Variants in TRABD2B observed in about 807,000 individuals in gnomAD.
The protein encoded by TRABD2B is metalloprotease TIKI2.
TRABD2B carries 14 observed loss-of-function variants against 40.1 expected under a neutral mutation model. The ratio of observed to expected loss-of-function variants is 0.35; its 90% CI spans 0.23 to 0.55. The LOEUF (loss-of-function observed/expected upper bound fraction) is 0.55, where lower values mean the gene tolerates loss of function less well. Among genes scored for constraint, TRABD2B ranks in the 20% least tolerant of loss-of-function variants. The pLI, the probability that TRABD2B is intolerant of heterozygous loss-of-function variation, is 0.90. For missense variants in TRABD2B, 541 were observed against 648.6 expected, an observed-to-expected ratio of 0.83 and a Z score of 1.80; for synonymous variants, 263 against 277.0, an observed-to-expected ratio of 0.95 and a Z score of 0.50.
At chr1:47,920,060 C>A (rs1054062752) in intron 2 of TRABD2B, among the ~76,000 whole-genome samples, 1 of 152,202 alleles carries the variant, frequency 6.6e-6, no homozygotes, top group Non-Finnish European at 1.5e-5. Flanking sequence ...TGGTCTGCTA[C>A]TTTCTAGTTG....
intron 2 of TRABD2B, among the ~76,000 whole-genome samples, chr1:47,922,460 T>C (rs1272313844): frequency 6.6e-6 from 1 of 152,102 alleles, no homozygotes; most frequent in African/African-American, 2.4e-5. Context: ...CTTGGCTTCA[T>C]CAGCCCACAC....
At chr1:47,839,205 G>C (rs889461985) in intron 2 of TRABD2B, among the ~76,000 whole-genome samples, 1 of 152,206 alleles carries the variant, frequency 6.6e-6, no homozygotes, top group Non-Finnish European at 1.5e-5. Context: ...CCCCACCACA[G>C]AGTCTATTCT....
At chr1:47,850,319 G>C (rs1223958713) in intron 2 of TRABD2B, among the ~76,000 whole-genome samples, 1 of 152,320 alleles carries the variant, frequency 6.6e-6, no homozygotes, top group Non-Finnish European at 1.5e-5. Flanking sequence ...TGATGGAGTA[G>C]GCTGTCCCAG....
chr1:47,959,964 A>G (rs555028525), intron 2 of TRABD2B, among the ~76,000 whole-genome samples: 32 of 152,350 alleles, frequency 2.1e-4, no homozygotes, highest in African/African-American at 6.0e-4. Context: ...AAAATCCTCA[A>G]TAAAATACTG....
chr1:47,885,949 A>C (rs1055092074), intron 2 of TRABD2B, among the ~76,000 whole-genome samples: 4 of 152,218 alleles, frequency 2.6e-5, no homozygotes, highest in African/African-American at 9.6e-5. Flanking sequence ...GTTGGTTTTG[A>C]AAATAATATT....
At chr1:47,946,968 A>G (rs1344034669) in intron 2 of TRABD2B, among the ~76,000 whole-genome samples, 2 of 152,058 alleles carry the variant, frequency 1.3e-5, no homozygotes, top group African/African-American at 4.8e-5. Context: ...GTAAAGAGAA[A>G]TAATAATAAT....
chr1:47,830,147 G>A (rs931000030), intron 2 of TRABD2B, among the ~76,000 whole-genome samples: 1 of 152,170 alleles, frequency 6.6e-6, no homozygotes, highest in African/African-American at 2.4e-5. Context: ...TTACTGCCTT[G>A]CCCCAGGATG....
chr1:47,874,433 C>T (rs1417783158), intron 2 of TRABD2B, among the ~76,000 whole-genome samples: 5 of 149,248 alleles, frequency 3.4e-5, no homozygotes, highest in Admixed American at 6.7e-5. Flanking sequence ...CCACCGCGCC[C>T]GGCTAATTTT....
At chr1:47,886,643 TGTTCATTC>T (rs1205532723) in intron 2 of TRABD2B, among the ~76,000 whole-genome samples, 3 of 152,226 alleles carry the variant, frequency 2.0e-5, no homozygotes, top group Non-Finnish European at 4.4e-5. Context: ...TTTAATCATT[TGTTCATTC>T]GTTCATTCAT....
At chr1:47,930,689 G>A (rs570706005) in intron 2 of TRABD2B, among the ~76,000 whole-genome samples, 9 of 152,182 alleles carry the variant, frequency 5.9e-5, no homozygotes, top group South Asian at 2.1e-4. Flanking sequence ...CCCTTATCCC[G>A]AGAAAGAACA....
chr1:47,830,327 T>C (rs1645232202), intron 2 of TRABD2B, among the ~76,000 whole-genome samples: 2 of 152,204 alleles, frequency 1.3e-5, no homozygotes, highest in Non-Finnish European at 2.9e-5. Flanking sequence ...TTCTAGACCC[T>C]TGGGGAGACA....
At chr1:47,792,240 G>A (rs1199472915) in intron 4 of TRABD2B, among the ~76,000 whole-genome samples, 1 of 152,210 alleles carries the variant, frequency 6.6e-6, no homozygotes, top group African/African-American at 2.4e-5. Flanking sequence ...GAGGAGAACA[G>A]GATGGGAGAC....
chr1:47,783,502 G>A (rs1175987317), intron 4 of TRABD2B, among the ~76,000 whole-genome samples: 2 of 152,184 alleles, frequency 1.3e-5, no homozygotes, highest in Non-Finnish European at 1.5e-5. Context: ...AGATGCAGAT[G>A]TAAGAGAAGA....
At chr1:47,815,643 T>C (rs1284302720) in intron 2 of TRABD2B, among the ~76,000 whole-genome samples, 1 of 152,158 alleles carries the variant, frequency 6.6e-6, no homozygotes, top group African/African-American at 2.4e-5. Flanking sequence ...AGCCTTTATT[T>C]GTCTTCCTCT....
intron 2 of TRABD2B, among the ~76,000 whole-genome samples, chr1:47,957,030 C>T (rs1295308703): frequency 6.6e-6 from 1 of 152,198 alleles, no homozygotes; most frequent in Non-Finnish European, 1.5e-5. Flanking sequence ...GATCAGGCGG[C>T]AACATTTGCC....
At position 47,994,424 on chromosome 1, in the gene TRABD2B, G is replaced by A. The variant is rs536315014; in HGVS notation, c.276C>T (p.Tyr92=). ...VYFELDLTDP[Y]TISALASCQL... ...GGCAGCTGGCCAGGGCCGAGATGGT[G>A]TAGGGGTCTGTAAGGTCCAGCTCAA... is the stretch of plus-strand genomic sequence containing the variant. Residue 92 remains tyrosine (Y), a synonymous_variant, in exon 2 of 7, where the codon TAC becomes TAT. Coordinates refer to ENST00000606738, the MANE Select transcript of TRABD2B (RefSeq NM_001194986.2). The surrounding 1 kb of genome is among the most constrained non-coding windows in gnomAD (Gnocchi z 6.7). 1.9e-5 allele frequency: 29 copies of A among 1,536,174 alleles called. No individual in the cohort carries two copies. In the East Asian group the frequency reaches 5.4e-4, roughly 28 times the overall value.
At chr1:47,872,197 A>T (rs74568508) in intron 2 of TRABD2B, among the ~76,000 whole-genome samples, 315 of 152,228 alleles carry the variant, frequency 2.1e-3, no homozygotes, top group Non-Finnish European at 3.8e-3. Flanking sequence ...CCTGTTTTGC[A>T]TCTACAGTCT....
chr1:47,843,066 T>C (rs1340429354), intron 2 of TRABD2B, among the ~76,000 whole-genome samples: 1 of 151,812 alleles, frequency 6.6e-6, no homozygotes, highest in Non-Finnish European at 1.5e-5. Flanking sequence ...GTGGCTGCTG[T>C]ATAGTGAAAG....
At chr1:47,935,283 G>T (rs1645091996) in intron 2 of TRABD2B, among the ~76,000 whole-genome samples, 1 of 152,182 alleles carries the variant, frequency 6.6e-6, no homozygotes, top group Non-Finnish European at 1.5e-5. Context: ...GCTCAGAGAG[G>T]TTAAGGGAGT....
Sources: gnomAD v4.1 joint callset for allele counts (sites outside exome capture counted in the v4.1 genomes callset) on GRCh38, gnomAD v4.1.1 for gene constraint, Gnocchi (gnomAD v3.1) non-coding constraint, MANE v1.5 for transcripts, NCBI Gene and HGNC (gene_info 2026-07-23, HGNC 2026-07-21) for gene names.